The following SHISA9 variants were observed in gnomAD, a reference collection of about 807,000 sequenced individuals.
The protein encoded by SHISA9 is shisa family member 9.
A neutral mutation model predicts 38.0 loss-of-function variants in SHISA9; 13 were observed. The ratio of observed to expected loss-of-function variants is 0.34; its 90% CI spans 0.22 to 0.54. The LOEUF (loss-of-function observed/expected upper bound fraction) is 0.54. Among genes scored for constraint, SHISA9 ranks in the 20% least tolerant of loss-of-function variants. The probability of loss-of-function intolerance (pLI) is 0.91; values close to 1 mark genes in which losing one functional copy is unlikely to be tolerated. For missense variants in SHISA9, 538 were observed against 575.8 expected (o/e 0.93, Z 0.67); for synonymous variants, 275 against 242.0 (o/e 1.14, Z -1.27).
At chr16:13,310,389 T>TA in the SHISA9 span, among the ~76,000 whole-genome samples, 1 of 152,146 alleles carries the variant, frequency 6.6e-6, no homozygotes, top group Non-Finnish European at 1.5e-5. Context: ...TCACATAGTT[T>TA]AAGAAATAAA....
rs546214298 is a variant in SHISA9 at position 13,077,282 on chromosome 16, A to G, written c.692-126112A>G. Among the ~76,000 whole-genome samples, 8 of 151,150 alleles carry G rather than the reference A, an allele frequency of 5.3e-5. No individual in the cohort carries two copies. The South Asian group carries it at 1.5e-3, about 28-fold the overall frequency. ...ACCTTCTGAATTCCTCTCTATGTCC[A>G]GACCAGTGTTCTCTACTTTATCCAT... is the stretch of plus-strand genomic sequence containing the variant. On this transcript the variant is annotated intron_variant, in intron 2 of 4. Transcript: ENST00000558583.
At chr16:12,930,575 C>T (rs957896682) in intron 2 of SHISA9, among the ~76,000 whole-genome samples, 1 of 152,070 alleles carries the variant, frequency 6.6e-6, no homozygotes, top group African/African-American at 2.4e-5. Flanking sequence ...CCATGCTGAC[C>T]CTCAATTTCA....
At chr16:13,189,261 T>C (rs2050859530) in intron 2 of SHISA9, among the ~76,000 whole-genome samples, 1 of 152,134 alleles carries the variant, frequency 6.6e-6, no homozygotes. Flanking sequence ...GGGAGGTCGG[T>C]TGGTGGGCAT....
chr16:13,531,464 A>T, the SHISA9 span, among the ~76,000 whole-genome samples: 2 of 152,198 alleles, frequency 1.3e-5, no homozygotes, highest in African/African-American at 4.8e-5. Flanking sequence ...CTCAGTTCAG[A>T]GAGGTCGAGT....
intron 2 of SHISA9, among the ~76,000 whole-genome samples, chr16:13,039,422 G>A (rs1028580524): frequency 1.3e-5 from 2 of 151,268 alleles, no homozygotes; most frequent in Non-Finnish European, 2.9e-5. Flanking sequence ...TCTTTCCATG[G>A]TCTCATCCCC....
chr16:13,173,206 G>C (rs2050703013), intron 2 of SHISA9, among the ~76,000 whole-genome samples: 1 of 148,184 alleles, frequency 6.7e-6, no homozygotes, highest in Non-Finnish European at 1.5e-5. Flanking sequence ...TACCAATCCA[G>C]AAACAAAGAG....
chr16:13,074,454 C>T (rs1302159514), intron 2 of SHISA9, among the ~76,000 whole-genome samples: 1 of 152,006 alleles, frequency 6.6e-6, no homozygotes, highest in Admixed American at 6.6e-5. Flanking sequence ...TTTTAATAGG[C>T]TTTTAATGGT....
chr16:13,534,595 C>T, the SHISA9 span, among the ~76,000 whole-genome samples: 2 of 152,158 alleles, frequency 1.3e-5, no homozygotes, highest in South Asian at 4.1e-4. Flanking sequence ...ATTTTCAACC[C>T]TCTTTTTACA....
the SHISA9 span, among the ~76,000 whole-genome samples, chr16:13,320,614 C>T: frequency 1.3e-5 from 2 of 152,162 alleles, no homozygotes; most frequent in African/African-American, 4.8e-5. Context: ...GTAGGGTCTC[C>T]TCTGGACAAT....
chr16:12,957,446 C>G (rs1056996673), intron 2 of SHISA9, among the ~76,000 whole-genome samples: 2 of 152,126 alleles, frequency 1.3e-5, no homozygotes, highest in African/African-American at 4.8e-5. Flanking sequence ...GTGTCCTCTT[C>G]TGGGCTGCAG....
chr16:13,225,246 G>A (rs560107742), intron 4 of SHISA9, among the ~76,000 whole-genome samples: 2 of 152,314 alleles, frequency 1.3e-5, no homozygotes, highest in East Asian at 3.9e-4. Flanking sequence ...CTCTAGCAGA[G>A]CCTTCAGATG....
intron 4 of SHISA9, among the ~76,000 whole-genome samples, chr16:13,226,991 A>C (rs147183923): frequency 6.6e-6 from 1 of 152,192 alleles, no homozygotes; most frequent in African/African-American, 2.4e-5. Context: ...TATTTTGGTC[A>C]TTCTTGGAAT....
the SHISA9 span, among the ~76,000 whole-genome samples, chr16:13,363,556 G>A: frequency 1.3e-5 from 2 of 152,162 alleles, no homozygotes; most frequent in African/African-American, 4.8e-5. Flanking sequence ...CTGGACACAT[G>A]AAAAACTATG....
the SHISA9 span, among the ~76,000 whole-genome samples, chr16:13,432,925 G>GA: frequency 1.1e-4 from 17 of 152,088 alleles, no homozygotes; most frequent in Non-Finnish European, 1.6e-4. Flanking sequence ...AGGGTGGAGG[G>GA]TGAGAGGAGG....
chr16:12,989,329 C>A (rs541432315), intron 2 of SHISA9, among the ~76,000 whole-genome samples: 1 of 152,100 alleles, frequency 6.6e-6, no homozygotes, highest in East Asian at 1.9e-4. Flanking sequence ...AGGTGTGCAC[C>A]ACCCTGCCTG....
the SHISA9 span, among the ~76,000 whole-genome samples, chr16:13,491,146 T>G: frequency 3.9e-5 from 6 of 152,224 alleles, no homozygotes; most frequent in African/African-American, 1.4e-4. Context: ...TTAACAGACT[T>G]GCTCATAAAC....
the SHISA9 span, among the ~76,000 whole-genome samples, chr16:13,301,649 T>C: frequency 6.6e-6 from 1 of 152,238 alleles, no homozygotes; most frequent in African/African-American, 2.4e-5. Context: ...GTATTTAATT[T>C]CCTAACTGAG....
intron 2 of SHISA9, among the ~76,000 whole-genome samples, chr16:13,138,487 A>G (rs2050369800): frequency 6.6e-6 from 1 of 152,196 alleles, no homozygotes; most frequent in South Asian, 2.1e-4. Flanking sequence ...TTCATCTCCT[A>G]TGACACTGCC....
the SHISA9 span, among the ~76,000 whole-genome samples, chr16:13,492,839 T>C: frequency 1.1e-4 from 17 of 152,314 alleles, no homozygotes; most frequent in South Asian, 8.3e-4. Flanking sequence ...GCGAGTTATA[T>C]GAATATGAAG....
Sources: gnomAD v4.1 joint callset for allele counts (sites outside exome capture counted in the v4.1 genomes callset) on GRCh38, gnomAD v4.1.1 for gene constraint, MANE v1.5 for transcripts, NCBI Gene and HGNC (gene_info 2026-07-23, HGNC 2026-07-21) for gene names.